MSI2: variants seen among roughly 807,000 people sequenced by gnomAD.
MSI2 encodes the protein musashi RNA binding protein 2, also known as RNA-binding protein Musashi homolog 2.
A neutral mutation model predicts 45.6 loss-of-function variants in MSI2; 17 were observed. The observed-to-expected ratio is 0.37, with a 90% CI of 0.26 to 0.56. The LOEUF (loss-of-function observed/expected upper bound fraction) is 0.56. MSI2 is among the 20% of genes least tolerant of loss of function. MSI2 has a pLI of 0.77. For synonymous variants in MSI2, 156 were observed against 158.2 expected (o/e 0.99, Z 0.11); for missense variants, 293 against 444.2 (o/e 0.66, Z 3.06).
intron 7 of MSI2, among the ~76,000 whole-genome samples, chr17:57,558,789 G>A (rs975519964): frequency 2.6e-5 from 4 of 152,194 alleles, no homozygotes; most frequent in South Asian, 2.1e-4. Context: ...AGCCAAGCGC[G>A]GTGGCTCACG....
At chr17:57,323,183 C>G (rs76573062) in intron 5 of MSI2, among the ~76,000 whole-genome samples, 4,426 of 152,246 alleles carry the variant, frequency 0.029, 93 homozygotes, top group Non-Finnish European at 0.042. Flanking sequence ...ATTCCCACCC[C>G]CAAGGCATTA....
chr17:57,450,270 A>AGAAAGAAAGAAAAGAAAGAAT (rs2084979108), intron 6 of MSI2: 1 of 101,094 alleles, frequency 9.9e-6, no homozygotes, highest in African/African-American at 4.0e-5. Flanking sequence ...AAAGAAAGAA[A>AGAAAGAAAGAAAAGAAAGAAT]GAAAGAAAGA....
intron 7 of MSI2, among the ~76,000 whole-genome samples, chr17:57,575,020 T>C (rs186731505): frequency 0.021 from 3,163 of 151,974 alleles, 41 homozygotes; most frequent in African/African-American, 0.043. Context: ...TTAGTAGAGA[T>C]GGGGTTTCAC....
chr17:57,441,087 G>C (rs544846073), intron 6 of MSI2, among the ~76,000 whole-genome samples: 1 of 152,308 alleles, frequency 6.6e-6, no homozygotes, highest in Non-Finnish European at 1.5e-5. Flanking sequence ...GTAGGAGGCA[G>C]TGACGCTGGT....
chr17:57,534,809 A>G (rs931681025), intron 7 of MSI2, among the ~76,000 whole-genome samples: 15 of 152,024 alleles, frequency 9.9e-5, no homozygotes, highest in African/African-American at 3.4e-4. Flanking sequence ...GCCCAGGGGG[A>G]GCGGAGAATG....
intron 5 of MSI2, among the ~76,000 whole-genome samples, chr17:57,292,754 C>T (rs900576499): frequency 6.6e-6 from 1 of 152,126 alleles, no homozygotes; most frequent in African/African-American, 2.4e-5. Context: ...GGGAAAGGAG[C>T]CTTTCTGGGG....
chr17:57,256,764 G>A lies in MSI2; in HGVS notation c.22G>A (p.Gly8Ser), dbSNP rs571897162. The A allele has an allele frequency of 1.4e-6, 2 of 1,475,202 alleles. No individual in the cohort carries two copies. The highest frequency in any genetic ancestry group is 3.0e-5 in the African/African-American group (2 of 67,576). 91.4% of individuals were successfully genotyped at this position (1,475,202 alleles called of 1,614,324 possible). The change falls in exon 1 of 14, where the codon GGC becomes AGC. Residue 8 changes from glycine (G) to serine (S), a missense_variant. By Grantham distance (56) the Gly-to-Ser change is moderately conservative (BLOSUM62 0). Coordinates refer to ENST00000284073, the MANE Select transcript of MSI2 (RefSeq NM_138962.4). ...AGATATGGAGGCAAATGGGAGCCAA[G>A]GCACCTCGGGCAGCGCCAACGACTC... is the stretch of plus-strand genomic sequence containing the variant. MEANGSQ[G>S]TSGSANDSQH... is the part of the protein sequence containing the mutation.
intron 7 of MSI2, among the ~76,000 whole-genome samples, chr17:57,548,358 T>C (rs954234878): frequency 2.6e-5 from 4 of 152,066 alleles, no homozygotes; most frequent in Admixed American, 6.5e-5. Context: ...ATTTGTGTTA[T>C]TGGGGTGGGA....
chr17:57,501,291 T>C (rs1267859161), intron 6 of MSI2, among the ~76,000 whole-genome samples: 1 of 151,900 alleles, frequency 6.6e-6, no homozygotes. Context: ...TCTGCAGGAG[T>C]GTTTGCTGTG....
At chr17:57,517,925 A>G (rs2086504722) in intron 6 of MSI2, among the ~76,000 whole-genome samples, 1 of 152,188 alleles carries the variant, frequency 6.6e-6, no homozygotes, top group South Asian at 2.1e-4. Context: ...AGAGAGCCCA[A>G]AGGTCATTCT....
chr17:57,615,825 G>A, intron 8 of MSI2, 145 bp from the exon 9 acceptor site: 1 of 602,498 alleles, frequency 1.7e-6, no homozygotes, highest in Non-Finnish European at 2.9e-6. Flanking sequence ...TATTTATTTT[G>A]CAGGCCATTT....
chr17:57,421,649 G>A (rs1040841875), intron 6 of MSI2, among the ~76,000 whole-genome samples: 35 of 152,282 alleles, frequency 2.3e-4, no homozygotes, highest in African/African-American at 7.2e-4. Context: ...TTGGAAGGCC[G>A]AGGTGGGGAG....
downstream of MSI2, among the ~76,000 whole-genome samples, chr17:57,688,949 G>A (rs1913932744): frequency 6.6e-6 from 1 of 152,186 alleles, no homozygotes; most frequent in African/African-American, 2.4e-5. Context: ...AAAGAGCTGG[G>A]ATCCACATTC....
rs36114353 is a variant in MSI2 at position 57,419,529 on chromosome 17, ATT to A, written c.405+18073_405+18074del. On this transcript the variant is annotated intron_variant, in intron 6 of 13. Transcript: ENST00000284073. Reference sequence around the variant, plus strand: ...AGGTGCTCATCAGCATGCCTGGCTAATTTTTTTTTTTTTTTTGTATTTTTAGT... The same window carrying A: ...AGGTGCTCATCAGCATGCCTGGCTAATTTTTTTTTTTTTTGTATTTTTAGT... 2.9e-3 allele frequency among the ~76,000 whole-genome samples: 425 copies of A among 145,554 alleles called. 1 individual carries two copies. Among genetic ancestry groups the A allele is most frequent in the African/African-American group, 5.0e-3 (196 of 39,104 alleles).
intron 6 of MSI2, among the ~76,000 whole-genome samples, chr17:57,480,562 T>C (rs2085628737): frequency 6.6e-6 from 1 of 152,194 alleles, no homozygotes; most frequent in Non-Finnish European, 1.5e-5. Flanking sequence ...CAGTAATATA[T>C]TCAGAATTTC....
intron 5 of MSI2, among the ~76,000 whole-genome samples, chr17:57,287,941 G>T (rs1319099346): frequency 6.6e-6 from 1 of 152,172 alleles, no homozygotes; most frequent in East Asian, 1.9e-4. Context: ...GGGAGAGCAG[G>T]CCAGGGCGGC....
At chr17:57,696,450 A>G in the MSI2 span, among the ~76,000 whole-genome samples, 1 of 152,268 alleles carries the variant, frequency 6.6e-6, no homozygotes, top group African/African-American at 2.4e-5. Context: ...TAAAGTTTTT[A>G]GAATTAGAGC....
chr17:57,433,102 C>T (rs2084628466), intron 6 of MSI2, among the ~76,000 whole-genome samples: 1 of 152,144 alleles, frequency 6.6e-6, no homozygotes, highest in Non-Finnish European at 1.5e-5. Context: ...GCTGCCACCT[C>T]CCTTTCGAGA....
intron 6 of MSI2, among the ~76,000 whole-genome samples, chr17:57,473,169 C>T (rs1177344071): frequency 7.2e-5 from 11 of 152,224 alleles, no homozygotes; most frequent in East Asian, 3.9e-4. Flanking sequence ...GGATTGCTGG[C>T]GTGAGCCACC....
Sources: allele counts gnomAD v4.1 joint callset (sites outside exome capture counted in the v4.1 genomes callset), GRCh38; gene constraint gnomAD v4.1.1; transcripts MANE v1.5; gene names NCBI Gene and HGNC (gene_info 2026-07-23, HGNC 2026-07-21).